Variants in DNAH11 observed in about 807,000 individuals in gnomAD.
The protein encoded by DNAH11 is dynein axonemal heavy chain 11, also known as axonemal beta dynein heavy chain 11.
A neutral mutation model predicts 526.0 loss-of-function variants in DNAH11; 442 were observed. The ratio of observed to expected loss-of-function variants is 0.84; its 90% CI spans 0.78 to 0.91. DNAH11 has a LOEUF of 0.91. DNAH11 is among the 40% of genes least tolerant of loss of function. The pLI is 0.00. For synonymous variants in DNAH11, 2,461 were observed against 1,935.9 expected, an observed-to-expected ratio of 1.27 and a Z score of -7.12; for missense variants, 6,989 against 5,448.7, an observed-to-expected ratio of 1.28 and a Z score of -8.90.
intron 8 of DNAH11, among the ~76,000 whole-genome samples, chr7:21,574,868 T>G (rs1397820547): frequency 0.011 from 316 of 28,836 alleles, no homozygotes; most frequent in Non-Finnish European, 0.015. Flanking sequence ...TGCACTGGGC[T>G]TTTTTTTTTT....
intron 62 of DNAH11, among the ~76,000 whole-genome samples, chr7:21,801,625 C>G (rs1188990513): frequency 6.6e-6 from 1 of 152,132 alleles, no homozygotes; most frequent in Non-Finnish European, 1.5e-5. Flanking sequence ...CTCTTCCTTT[C>G]TTTCTTACCA....
chr7:21,662,107 A>G (rs1782263745), intron 30 of DNAH11, among the ~76,000 whole-genome samples: 1 of 152,164 alleles, frequency 6.6e-6, no homozygotes, highest in Non-Finnish European at 1.5e-5. Context: ...GACATGAGCC[A>G]CTGTGCCTGG....
At position 21,617,771 on chromosome 7, in the gene DNAH11, T is replaced by C; in HGVS notation, c.4248T>C (p.Ala1416=). 6.3e-7 allele frequency: 1 copy of C among 1,597,214 alleles called. No individual in the cohort carries two copies. The highest frequency in any genetic ancestry group is 8.5e-7 in the Non-Finnish European group (1 of 1,172,852). The change falls in exon 23 of 82, where the codon GCT becomes GCC. Residue 1416 remains alanine (A), a synonymous_variant. Coordinates refer to ENST00000409508, the MANE Select transcript of DNAH11 (RefSeq NM_001277115.2). The part of the protein sequence containing the change: ...RDRHWHQLMK[A]IGVKFLINEA... ...GGCATTGGCACCAGCTGATGAAAGC[T>C]ATTGGGGTCAGTATCCTTGGTCTCA... is the stretch of plus-strand genomic sequence containing the variant.
chr7:21,728,570 C>G (rs1319505591), intron 45 of DNAH11, among the ~76,000 whole-genome samples: 1 of 151,924 alleles, frequency 6.6e-6, no homozygotes, highest in African/African-American at 2.4e-5. Flanking sequence ...ACCAACAGCC[C>G]AAAATTCTTA....
At chr7:21,726,652 G>C (rs1400406721) in intron 45 of DNAH11, among the ~76,000 whole-genome samples, 1 of 151,282 alleles carries the variant, frequency 6.6e-6, no homozygotes, top group Non-Finnish European at 1.5e-5. Flanking sequence ...ACGAGGTCAG[G>C]AGATCGAGGC....
chr7:21,637,676 T>A lies in DNAH11; in HGVS notation c.4791T>A (p.Tyr1597Ter). Reference protein sequence around the residue: ...VLEATCRPNLYEKLKDLQSRL... With the variant: ...VLEATCRPNL ...AAGCAACGTGCAGACCTAATCTCTATGAAAAACTTAAAGATTTACAGTCCA... is the reference window on the plus strand; with the variant it reads ...AAGCAACGTGCAGACCTAATCTCTAAGAAAAACTTAAAGATTTACAGTCCA... Residue 1597 changes from tyrosine to a stop codon, truncating the protein, a stop_gained, in exon 27 of 82, where the codon TAT becomes TAA. Coordinates refer to ENST00000409508, the MANE Select transcript of DNAH11 (RefSeq NM_001277115.2). LOFTEE classifies it high-confidence loss of function. 1 of 1,572,446 alleles carries A rather than the reference T, an allele frequency of 6.4e-7. No homozygotes were observed. Among genetic ancestry groups the A allele is most frequent in the Non-Finnish European group, 8.6e-7 (1 of 1,159,238 alleles).
intron 65 of DNAH11, among the ~76,000 whole-genome samples, chr7:21,834,813 C>A (rs1184193579): frequency 6.6e-6 from 1 of 152,082 alleles, no homozygotes; most frequent in East Asian, 1.9e-4. Context: ...CCACTGCATA[C>A]CAGTCTAGCA....
At chr7:21,873,132 A>AT in intron 73 of DNAH11, 142 bp from the exon 74 acceptor site, 1 of 761,044 alleles carries the variant, frequency 1.3e-6, no homozygotes, top group Non-Finnish European at 2.2e-6. Flanking sequence ...ATAAAGGAAA[A>AT]TTTTTATGAT....
Position 21,881,473 on chromosome 7 carries a change from G to C in DNAH11, c.12387+580G>C, listed in dbSNP as rs997470510. The stretch of plus-strand genomic sequence containing the variant: ...TAGCTAAAATGTGTTTTACAGATGG[G>C]AATGGGAATGCCTCATCAAGAACAT... On this transcript the variant is annotated intron_variant, in intron 75 of 81. Coordinates refer to ENST00000409508, the MANE Select transcript of DNAH11 (RefSeq NM_001277115.2). Among the ~76,000 whole-genome samples, 8 of 152,294 alleles carry C rather than the reference G, an allele frequency of 5.3e-5. No individual in the cohort carries two copies. In the East Asian group the frequency reaches 1.5e-3, roughly 29 times the overall value.
At chr7:21,852,675 C>A in intron 67 of DNAH11, 44 bp downstream of exon 67, 2 of 1,518,098 alleles carry the variant, frequency 1.3e-6, no homozygotes, top group South Asian at 1.4e-5. Flanking sequence ...ATGCTCTGTT[C>A]GAATGAGACA....
chr7:21,556,012 G>A (rs192374336), intron 2 of DNAH11, among the ~76,000 whole-genome samples: 31 of 152,276 alleles, frequency 2.0e-4, no homozygotes, highest in African/African-American at 6.7e-4. Flanking sequence ...AGGCACACCC[G>A]AGGCAGCTAC....
At chr7:21,624,501 C>T (rs999664152) in intron 25 of DNAH11, among the ~76,000 whole-genome samples, 48 of 152,146 alleles carry the variant, frequency 3.2e-4, no homozygotes, top group African/African-American at 1.2e-3. Flanking sequence ...ATGTCATCAG[C>T]AAACAGACAC....
intron 20 of DNAH11, among the ~76,000 whole-genome samples, chr7:21,607,413 A>G (rs1785336432): frequency 1.3e-5 from 2 of 152,032 alleles, no homozygotes; most frequent in South Asian, 4.1e-4. Flanking sequence ...TCACAGACAC[A>G]CCCAGGAACA....
Position 21,589,067 on chromosome 7 carries a change from C to G in DNAH11, c.1974-141C>G, listed in dbSNP as rs6967971. 0.99 allele frequency: 556,606 copies of G among 561,944 alleles called. 275,685 individuals carry two copies. Among genetic ancestry groups the G allele is most frequent in the East Asian group, 1 (29,117 of 29,118 alleles). 34.8% of individuals were successfully genotyped at this position (561,944 alleles called of 1,614,324 possible). ...TCTTTTAAAGCAAAAGCAATTAATA[C>G]GCACATAATTTGGTCTTGACTGTTT... On this transcript the variant is annotated intron_variant, in intron 11 of 81. Coordinates refer to ENST00000409508, the MANE Select transcript of DNAH11 (RefSeq NM_001277115.2).
intron 28 of DNAH11, among the ~76,000 whole-genome samples, chr7:21,648,056 A>G (rs1421555292): frequency 6.6e-6 from 1 of 152,200 alleles, no homozygotes; most frequent in African/African-American, 2.4e-5. Context: ...CCAAAAACAT[A>G]GAAACATTGA....
intron 21 of DNAH11, among the ~76,000 whole-genome samples, chr7:21,615,581 T>C (rs1324602955): frequency 1.3e-5 from 2 of 151,758 alleles, no homozygotes; most frequent in Non-Finnish European, 2.9e-5. Flanking sequence ...ATATTACATG[T>C]GTAGTCATCT....
chr7:21,797,206 A>ATTTGCTTTGAAC (rs1410864146), intron 61 of DNAH11, among the ~76,000 whole-genome samples: 1 of 151,880 alleles, frequency 6.6e-6, no homozygotes, highest in Admixed American at 6.6e-5. Context: ...ATGATTATAT[A>ATTTGCTTTGAAC]TTTGCTTTGA....
intron 80 of DNAH11, 141 bp downstream of exon 80, chr7:21,899,589 C>T: frequency 1.4e-6 from 1 of 722,628 alleles, no homozygotes; most frequent in Non-Finnish European, 2.3e-6. Context: ...GGACCAGCAG[C>T]TATAGAGGAA....
At chr7:21,774,863 T>C (rs996387954) in intron 56 of DNAH11, among the ~76,000 whole-genome samples, 17 of 152,142 alleles carry the variant, frequency 1.1e-4, no homozygotes, top group African/African-American at 3.9e-4. Flanking sequence ...GAATCCTCAC[T>C]AGTGATCACC....
Sources: allele counts gnomAD v4.1 joint callset (sites outside exome capture counted in the v4.1 genomes callset), GRCh38; gene constraint gnomAD v4.1.1; transcripts MANE v1.5; gene names NCBI Gene and HGNC (gene_info 2026-07-23, HGNC 2026-07-21).